SPOCK1: variants seen among roughly 807,000 people sequenced by gnomAD.
SPOCK1 encodes the protein testican-1.
SPOCK1 carries 23 observed loss-of-function variants against 55.3 expected under a neutral mutation model. The ratio of observed to expected loss-of-function variants is 0.42; its 90% CI spans 0.30 to 0.59. The LOEUF (loss-of-function observed/expected upper bound fraction) is 0.59. SPOCK1 is among the 20% of genes least tolerant of loss of function. The pLI, the probability that SPOCK1 is intolerant of heterozygous loss-of-function variation, is 0.22. For missense variants in SPOCK1, 499 were observed against 552.5 expected (o/e 0.90, Z 0.97); for synonymous variants, 226 against 221.0 (o/e 1.02, Z -0.20).
intron 2 of SPOCK1, among the ~76,000 whole-genome samples, chr5:137,302,379 C>T (rs1018146640): frequency 1.4e-5 from 2 of 148,110 alleles, no homozygotes; most frequent in Non-Finnish European, 1.5e-5. Flanking sequence ...ACCATCCTGG[C>T]CAACACAGTG....
chr5:137,008,295 TACAC>T (rs141325417), intron 6 of SPOCK1, among the ~76,000 whole-genome samples: 4,398 of 138,376 alleles, frequency 0.032, 213 homozygotes, highest in African/African-American at 0.11. Context: ...TAATAATAAA[TACAC>T]ACACACACAC....
At chr5:137,177,835 G>A (rs948725866) in intron 3 of SPOCK1, among the ~76,000 whole-genome samples, 4 of 151,894 alleles carry the variant, frequency 2.6e-5, no homozygotes, top group Non-Finnish European at 5.9e-5. Context: ...AGAGGGGGTG[G>A]GGAAAGAGGG....
intron 3 of SPOCK1, among the ~76,000 whole-genome samples, chr5:137,169,210 A>C (rs1754702612): frequency 1.3e-5 from 2 of 152,074 alleles, no homozygotes; most frequent in African/African-American, 2.4e-5. Flanking sequence ...GTTGGGGGGA[A>C]GTGGGGATGG....
chr5:137,278,042 A>T (rs1372594740), intron 2 of SPOCK1, among the ~76,000 whole-genome samples: 1 of 152,186 alleles, frequency 6.6e-6, no homozygotes, highest in Non-Finnish European at 1.5e-5. Flanking sequence ...ATCTCTCTGG[A>T]AAACTATGGC....
Position 137,243,359 on chromosome 5 carries a change from C to G in SPOCK1, c.232+23651G>C, listed in dbSNP as rs115492245. ...AGGCTAGTATTTTATATTTTAAATT[C>G]AGTATCAGAGCCTTTCTATTTTTAT... On this transcript the variant is annotated intron_variant, in intron 3 of 10. Transcript: ENST00000394945. Among the ~76,000 whole-genome samples the G allele has an allele frequency of 6.6e-3, 1,009 of 152,272 alleles. 13 individuals are homozygous for G. Among genetic ancestry groups the G allele is most frequent in the African/African-American group, 0.023 (942 of 41,544 alleles).
intron 2 of SPOCK1, among the ~76,000 whole-genome samples, chr5:137,396,327 A>G (rs1751847505): frequency 6.6e-6 from 1 of 152,266 alleles, no homozygotes; most frequent in Non-Finnish European, 1.5e-5. Context: ...TCAAAGTATG[A>G]TACAACTAAG....
At chr5:137,100,251 TA>T (rs1438029786) in intron 5 of SPOCK1, among the ~76,000 whole-genome samples, 1 of 152,200 alleles carries the variant, frequency 6.6e-6, no homozygotes, top group African/African-American at 2.4e-5. Flanking sequence ...TCCTTTTTTG[TA>T]GGGCTAGATG....
In SPOCK1 at chr5:137,432,415, A is replaced by G. The variant is rs543271774; in HGVS notation, c.186+65958T>C. Among the ~76,000 whole-genome samples, 8 of 21,522 alleles carry G rather than the reference A, an allele frequency of 3.7e-4. No homozygotes were observed. In the East Asian group the frequency reaches 6.2e-3, roughly 17 times the overall value. 14.1% of individuals were successfully genotyped at this position (21,522 alleles called of 152,430 possible). ...GTAGTATATAATACAACGAAATATT[A>G]TTCAGCCATAAAAAAAGGAAATTCT... On this transcript the variant is annotated intron_variant, in intron 2 of 10. Coordinates refer to ENST00000394945, the MANE Select transcript of SPOCK1 (RefSeq NM_004598.4).
chr5:137,472,483 A>G (rs1228525800), intron 2 of SPOCK1, among the ~76,000 whole-genome samples: 1 of 152,116 alleles, frequency 6.6e-6, no homozygotes, highest in Non-Finnish European at 1.5e-5. Flanking sequence ...GGGAGAAAAT[A>G]GGCACTCACG....
chr5:137,487,932 T>C (rs1754094737), intron 2 of SPOCK1, among the ~76,000 whole-genome samples: 1 of 152,228 alleles, frequency 6.6e-6, no homozygotes, highest in African/African-American at 2.4e-5. Context: ...ACTGCACTCA[T>C]ATTAATTTAT....
intron 2 of SPOCK1, among the ~76,000 whole-genome samples, chr5:137,384,755 C>T (rs905126751): frequency 6.6e-6 from 1 of 152,072 alleles, no homozygotes; most frequent in African/African-American, 2.4e-5. Flanking sequence ...ACATGGCCTT[C>T]CCCTCTTTGT....
rs145556897 is a variant in SPOCK1 at position 137,316,749 on chromosome 5, GAC to G, written c.187-49696_187-49695del. Among the ~76,000 whole-genome samples the G allele has an allele frequency of 3.9e-5, 6 of 152,302 alleles. 1 individual carries two copies. In the East Asian group the frequency reaches 9.6e-4, roughly 24 times the overall value. ...CTCTGAATATTTCATTCATGCCCAA[GAC>G]AGAGTCTTAAATTGCAGGAAACCAG... On this transcript the variant is annotated intron_variant, in intron 2 of 10. Coordinates refer to ENST00000394945, the MANE Select transcript of SPOCK1 (RefSeq NM_004598.4).
rs770588902 is a variant in SPOCK1, at chr5:136,985,252, C to T, written c.929-50G>A. 2.3e-5 allele frequency: 35 copies of T among 1,520,424 alleles called. No homozygotes were observed. The East Asian group carries it at 7.4e-4, about 32-fold the overall frequency. The allele number at this position is 1,520,424 out of a possible 1,614,324, so 94.2% of individuals were successfully genotyped here. ...GCTTCCAGATGGTATGGAGTATAAT[C>T]GCTAATGATTGACTTCACTCTTGAT... On this transcript the variant is annotated intron_variant, in intron 8 of 10. Transcript: ENST00000394945.
intron 5 of SPOCK1, among the ~76,000 whole-genome samples, chr5:137,076,483 C>T (rs1483894128): frequency 6.6e-6 from 1 of 152,022 alleles, no homozygotes; most frequent in African/African-American, 2.4e-5. Flanking sequence ...TTAGCCTAGC[C>T]TACCTTCAGT....
chr5:137,166,662 A>G (rs1754653700), intron 3 of SPOCK1, among the ~76,000 whole-genome samples: 1 of 152,258 alleles, frequency 6.6e-6, no homozygotes, highest in East Asian at 1.9e-4. Context: ...AAACAAAAAA[A>G]GCTGGGGGAC....
At chr5:136,998,238 C>G (rs1751083965) in intron 6 of SPOCK1, among the ~76,000 whole-genome samples, 1 of 152,180 alleles carries the variant, frequency 6.6e-6, no homozygotes, top group South Asian at 2.1e-4. Context: ...TTATTTTATA[C>G]ATGGGTCAGT....
chr5:137,126,935 T>G (rs1048629413), intron 4 of SPOCK1, among the ~76,000 whole-genome samples: 2 of 152,144 alleles, frequency 1.3e-5, no homozygotes, highest in Non-Finnish European at 2.9e-5. Flanking sequence ...TCCTCCTGAT[T>G]GCTTACAGTA....
chr5:137,233,712 A>G (rs1239894334), intron 3 of SPOCK1, among the ~76,000 whole-genome samples: 2 of 74,904 alleles, frequency 2.7e-5, no homozygotes, highest in East Asian at 8.1e-4. Flanking sequence ...GAGGATATGC[A>G]CTTTTTTTTT....
chr5:137,017,899 G>A (rs1010529922), intron 6 of SPOCK1, among the ~76,000 whole-genome samples: 3 of 152,152 alleles, frequency 2.0e-5, no homozygotes, highest in Non-Finnish European at 2.9e-5. Flanking sequence ...ACAGCCTATG[G>A]GCAACCAGCC....
Sources: gnomAD v4.1 joint callset for allele counts (sites outside exome capture counted in the v4.1 genomes callset) on GRCh38, gnomAD v4.1.1 for gene constraint, MANE v1.5 for transcripts, NCBI Gene and HGNC (gene_info 2026-07-23, HGNC 2026-07-21) for gene names.